The following TMEM132D variants were observed in gnomAD, a reference collection of about 807,000 sequenced individuals.
TMEM132D encodes mature OL transmembrane protein.
Under a neutral mutation model 62.3 loss-of-function variants are expected in TMEM132D, and 21 were observed. That is an observed-to-expected ratio of 0.34 (90% CI 0.24 to 0.49). TMEM132D has a LOEUF of 0.49. TMEM132D is among the 20% of genes least tolerant of loss of function. The pLI, the probability that TMEM132D is intolerant of heterozygous loss-of-function variation, is 0.99. For missense variants in TMEM132D, 1,346 were observed against 1,402.8 expected (o/e 0.96, Z 0.65); for synonymous variants, 621 against 575.6 (o/e 1.08, Z -1.13).
chr12:129,736,201 T>G (rs1277993193), intron 1 of TMEM132D, among the ~76,000 whole-genome samples: 1 of 152,224 alleles, frequency 6.6e-6, no homozygotes, highest in Non-Finnish European at 1.5e-5. Context: ...AAGAGGAACA[T>G]GCCCTACAAA....
chr12:129,354,315 G>A (rs1252266569), intron 3 of TMEM132D, among the ~76,000 whole-genome samples: 2 of 148,032 alleles, frequency 1.4e-5, no homozygotes, highest in East Asian at 4.0e-4. Flanking sequence ...ACTTTATTGG[G>A]TATATATATA....
chr12:129,311,810 A>G (rs1593332767), intron 4 of TMEM132D, among the ~76,000 whole-genome samples: 2 of 152,186 alleles, frequency 1.3e-5, no homozygotes, highest in Admixed American at 1.3e-4. Flanking sequence ...CAGAGTAGGA[A>G]CAAATGTGGC....
At chr12:129,176,724 G>A (rs984720717) in intron 5 of TMEM132D, among the ~76,000 whole-genome samples, 3 of 152,188 alleles carry the variant, frequency 2.0e-5, no homozygotes, top group South Asian at 2.1e-4. Flanking sequence ...AATTAACTTC[G>A]CTGAAGGGCA....
chr12:129,366,722 A>G (rs1247933751), intron 3 of TMEM132D, among the ~76,000 whole-genome samples: 1 of 152,186 alleles, frequency 6.6e-6, no homozygotes, highest in Admixed American at 6.5e-5. Context: ...AGGAGCCACA[A>G]GTATGCAAAG....
At chr12:129,204,473 AG>A (rs1312660391) in intron 5 of TMEM132D, among the ~76,000 whole-genome samples, 1 of 152,216 alleles carries the variant, frequency 6.6e-6, no homozygotes, top group Non-Finnish European at 1.5e-5. Context: ...ACAAAAATAA[AG>A]GAAGAAAATG....
chr12:129,725,275 G>A (rs973367513), intron 1 of TMEM132D, among the ~76,000 whole-genome samples: 5 of 152,192 alleles, frequency 3.3e-5, no homozygotes, highest in Middle Eastern at 3.2e-3. Context: ...ATGGTACAAC[G>A]AGTCCATCAT....
chr12:129,839,915 C>G (rs971352173), intron 1 of TMEM132D: 2 of 152,138 alleles, frequency 1.3e-5, no homozygotes, highest in African/African-American at 2.4e-5. Flanking sequence ...ACAGAACGTC[C>G]GTGAGTGTCT....
At chr12:129,081,603 C>A (rs1043216142) in intron 7 of TMEM132D, among the ~76,000 whole-genome samples, 156 bp downstream of exon 7, 1 of 152,112 alleles carries the variant, frequency 6.6e-6, no homozygotes, top group African/African-American at 2.4e-5. Flanking sequence ...CAGCCAAAAT[C>A]GCTTGTATTG....
intron 5 of TMEM132D, among the ~76,000 whole-genome samples, chr12:129,154,213 G>A (rs1405500081): frequency 6.6e-6 from 1 of 152,144 alleles, no homozygotes; most frequent in Non-Finnish European, 1.5e-5. Flanking sequence ...ACAGCTCAGT[G>A]GGACACAGCT....
At chr12:129,802,638 C>G (rs1871835375) in intron 1 of TMEM132D, among the ~76,000 whole-genome samples, 1 of 135,418 alleles carries the variant, frequency 7.4e-6, no homozygotes, top group Non-Finnish European at 1.6e-5. Context: ...AACTAACGAG[C>G]AAAATAACCA....
rs575895512 is a variant in TMEM132D at position 129,224,844 on chromosome 12, T to A, written c.1300-15181A>T. On this transcript the variant is annotated intron_variant, in intron 4 of 8. Coordinates refer to ENST00000422113, the MANE Select transcript of TMEM132D (RefSeq NM_133448.3). ...CCTTGAACCTGGGAGGTAGAAACTG[T>A]TTTTTTCTTTTCCATTTTATATATT... Among the ~76,000 whole-genome samples the A allele has an allele frequency of 3.2e-4, 48 of 152,242 alleles. 1 individual carries two copies. The South Asian group carries it at 9.5e-3, about 30-fold the overall frequency.
At position 129,206,229 on chromosome 12, in the gene TMEM132D, C is replaced by T. The variant is rs976308227; in HGVS notation, c.1443+3291G>A. ...CATCTGACAAAGGTCTCATATCCCG[C>T]ACCTGTAAGGAAAATAAACAATTTT... On this transcript the variant is annotated intron_variant, in intron 5 of 8. Coordinates refer to ENST00000422113, the MANE Select transcript of TMEM132D (RefSeq NM_133448.3). Among the ~76,000 whole-genome samples, 6 of 152,154 alleles carry T rather than the reference C, an allele frequency of 3.9e-5. No individual in the cohort carries two copies. The South Asian group carries it at 8.3e-4, about 21-fold the overall frequency.
intron 2 of TMEM132D, among the ~76,000 whole-genome samples, chr12:129,556,572 C>T (rs1877065102): frequency 6.6e-6 from 1 of 152,034 alleles, no homozygotes; most frequent in African/African-American, 2.4e-5. Flanking sequence ...AGGTTGCCTT[C>T]CTTTTAAAGC....
At chr12:129,341,049 C>T (rs1177734263) in intron 3 of TMEM132D, among the ~76,000 whole-genome samples, 1 of 152,186 alleles carries the variant, frequency 6.6e-6, no homozygotes, top group Non-Finnish European at 1.5e-5. Flanking sequence ...TCACATGTAT[C>T]TTAGTGTGAC....
chr12:129,182,268 G>A (rs1878089938), intron 5 of TMEM132D, among the ~76,000 whole-genome samples: 1 of 152,196 alleles, frequency 6.6e-6, no homozygotes. Context: ...GGAGACTGAG[G>A]CAGGAGAATG....
intron 1 of TMEM132D, among the ~76,000 whole-genome samples, chr12:129,882,512 G>T (rs1266513366): frequency 6.6e-6 from 1 of 152,150 alleles, no homozygotes; most frequent in Non-Finnish European, 1.5e-5. Flanking sequence ...ACTAAGACAA[G>T]TCAGGAATAA....
At position 129,842,102 on chromosome 12, in the gene TMEM132D, T is replaced by G. The variant is rs1445601653; in HGVS notation, c.79+61159A>C. On this transcript the variant is annotated intron_variant, in intron 1 of 8. Transcript: ENST00000422113. ...CCCACCACCACGCCCGGCTAATTTTTTTTTTTTTTTTTTTTTTTTGTATTT... is the reference window on the plus strand; with the variant it reads ...CCCACCACCACGCCCGGCTAATTTTGTTTTTTTTTTTTTTTTTTTGTATTT... 2.0e-3 allele frequency among the ~76,000 whole-genome samples: 282 copies of G among 143,030 alleles called. 1 individual carries two copies. Among genetic ancestry groups the G allele is most frequent in the African/African-American group, 5.7e-3 (220 of 38,706 alleles). The allele number at this position is 143,030 out of a possible 152,430, so 93.8% of individuals were successfully genotyped here. A position where few individuals can be genotyped will look rare whatever the true frequency, so the allele number is the denominator to read the frequency against.
intron 5 of TMEM132D, among the ~76,000 whole-genome samples, chr12:129,164,825 A>G (rs1375487262): frequency 6.6e-6 from 1 of 152,234 alleles, no homozygotes; most frequent in African/African-American, 2.4e-5. Flanking sequence ...TTTTGGGATT[A>G]CAAGATGAGA....
At chr12:129,117,559 C>T (rs891951729) in intron 5 of TMEM132D, among the ~76,000 whole-genome samples, 1 of 102,466 alleles carries the variant, frequency 9.8e-6, no homozygotes, top group African/African-American at 3.6e-5. Flanking sequence ...ATAAGGAAAG[C>T]ATTATTATCA....
Sources: gnomAD v4.1 joint callset for allele counts (sites outside exome capture counted in the v4.1 genomes callset) on GRCh38, gnomAD v4.1.1 for gene constraint, MANE v1.5 for transcripts, NCBI Gene and HGNC (gene_info 2026-07-23, HGNC 2026-07-21) for gene names.